IGSF9B: variants seen among roughly 807,000 people sequenced by gnomAD.
IGSF9B encodes the protein protein turtle homolog B.
IGSF9B carries 48 observed loss-of-function variants against 143.7 expected under a neutral mutation model. The observed-to-expected ratio is 0.33, with a 90% CI of 0.26 to 0.42. The LOEUF (loss-of-function observed/expected upper bound fraction) is 0.42, where lower values mean the gene tolerates loss of function less well. Ranked by LOEUF, IGSF9B falls within the 20% of genes least tolerant of loss-of-function variation. IGSF9B has a pLI of 1.00. For missense variants in IGSF9B, 1,706 were observed against 1,980.0 expected (o/e 0.86, Z 2.63); for synonymous variants, 903 against 833.1 (o/e 1.08, Z -1.44).
At chr11:133,930,912 A>C (rs1939713717) in intron 11 of IGSF9B, 72 bp downstream of exon 11, 1 of 1,445,868 alleles carries the variant, frequency 6.9e-7, no homozygotes, top group East Asian at 2.5e-5. Flanking sequence ...GGACGCTCCC[A>C]GCGTCCAGCA....
In IGSF9B at chr11:133,925,806, C is replaced by A; in HGVS notation, c.1967G>T (p.Arg656Leu). ...GATGCCATCGTCGAGCAACTCCCAGCGCTCTGCGACACGGAACTCCATGAT... is the reference window on the plus strand; with the variant it reads ...GATGCCATCGTCGAGCAACTCCCAGAGCTCTGCGACACGGAACTCCATGAT... ...RYIMEFRVAE[R>L]WELLDDGIPG... Residue 656 changes from arginine (R) to leucine (L), a missense_variant, in exon 14 of 20, where the codon CGC becomes CTC. By Grantham distance (102) the Arg-to-Leu change is moderately radical. Around this residue, in one of 7 missense-constraint regions of IGSF9B, gnomAD observed 267 missense variants for 321.1 expected, o/e 0.83. Transcript: ENST00000533871. 6.2e-7 allele frequency: 1 copy of A among 1,613,894 alleles called. No individual in the cohort carries two copies. Among genetic ancestry groups the A allele is most frequent in the Non-Finnish European group, 8.5e-7 (1 of 1,179,892 alleles).
At chr11:133,937,725 G>T in intron 4 of IGSF9B, 85 bp downstream of exon 4, 1 of 1,452,014 alleles carries the variant, frequency 6.9e-7, no homozygotes, top group Non-Finnish European at 9.4e-7. Flanking sequence ...TGTGCCTGTA[G>T]CATCAGGGGT....
intron 18 of IGSF9B, among the ~76,000 whole-genome samples, chr11:133,914,452 G>T (rs985203143): frequency 6.6e-6 from 1 of 152,228 alleles, no homozygotes; most frequent in African/African-American, 2.4e-5. Context: ...GACATTCTGT[G>T]CTTTGGTGGA....
intron 7 of IGSF9B, 53 bp downstream of exon 7, chr11:133,935,564 A>C: frequency 1.9e-6 from 3 of 1,566,536 alleles, no homozygotes; most frequent in Non-Finnish European, 2.6e-6. Context: ...TCTGGCTAAC[A>C]CCAAAACCTT....
intron 18 of IGSF9B, among the ~76,000 whole-genome samples, chr11:133,917,869 G>C (rs994747252): frequency 6.6e-6 from 1 of 152,050 alleles, no homozygotes; most frequent in African/African-American, 2.4e-5. Flanking sequence ...GGGCCCCAGA[G>C]AGGTCCCCAA....
rs767269905 is a variant in IGSF9B at position 133,937,957 on chromosome 11, A to T, written c.414T>A (p.Pro138=). The part of the protein sequence containing the change: ...GSWVHLTINA[P]PTFTETPPQY... ...GGGGGGGTGTTTCTGTAAAGGTGGG[A>T]GGGGCTGCAAAGGAGACCACAAAGA... Residue 138 remains proline, a synonymous_variant, in exon 4 of 20, where the codon CCT becomes CCA. Transcript: ENST00000533871. The T allele has an allele frequency of 1.2e-6, 2 of 1,613,104 alleles. No individual in the cohort carries two copies.
At position 133,934,118 on chromosome 11, in the gene IGSF9B, A is replaced by T. The variant is rs532700656; in HGVS notation, c.967+1499T>A. Among the ~76,000 whole-genome samples, 21 of 152,290 alleles carry T rather than the reference A, an allele frequency of 1.4e-4. No homozygotes were observed. The South Asian group carries it at 4.3e-3, about 32-fold the overall frequency. On this transcript the variant is annotated intron_variant, in intron 7 of 19. Transcript: ENST00000533871. ...AACCCCCTGGATTTTCTTTGAAGAC[A>T]GGAAGGAGGTAAAAAAGGACAAGGG...
At position 133,904,276 on chromosome 11, in the gene IGSF9B, T is replaced by C. The variant is rs901336660; in HGVS notation, c.*4793A>G. Among the ~76,000 whole-genome samples, 5 of 152,102 alleles carry C rather than the reference T, an allele frequency of 3.3e-5. No individual in the cohort carries two copies. The highest frequency in any genetic ancestry group is 1.3e-4 in the Admixed American group (2 of 15,278). On this transcript the variant is annotated 3_prime_UTR_variant, in exon 20 of 20. Coordinates refer to ENST00000533871, the MANE Select transcript of IGSF9B (RefSeq NM_001277285.4). ...AACCCACCGCTGCAGCTTAGGAAAA[T>C]GAGAATGGCACTTCCTTCTCCACTG...
chr11:133,940,433 C>A (rs541910747), intron 3 of IGSF9B, among the ~76,000 whole-genome samples: 5 of 143,568 alleles, frequency 3.5e-5, no homozygotes, highest in Non-Finnish European at 7.5e-5. Flanking sequence ...TCGCACGCGT[C>A]ATCACATGCA....
chr11:133,900,021 G>GGGACCCA lies in IGSF9B; in HGVS notation c.*9047_*9048insTGGGTCC, dbSNP rs1324061783. Reference sequence around the variant, plus strand: ...GGGGAGTGTTCTCAGCAGTTAATTTGAGGACCCAAGGACAGTGCCTGACTG... The same window carrying GGGACCCA: ...GGGGAGTGTTCTCAGCAGTTAATTTGGGACCCAAGGACCCAAGGACAGTGCCTGACTG... On this transcript the variant is annotated 3_prime_UTR_variant, in exon 20 of 20. Coordinates refer to ENST00000533871, the MANE Select transcript of IGSF9B (RefSeq NM_001277285.4). The GGGACCCA allele has an allele frequency of 2.5e-4, 38 of 152,374 alleles. No homozygotes were observed. The highest frequency in any genetic ancestry group is 8.7e-4 in the African/African-American group (36 of 41,532). 9.4% of individuals were successfully genotyped at this position (152,374 alleles called of 1,614,324 possible). A position where few individuals can be genotyped will look rare whatever the true frequency, so the allele number is the denominator to read the frequency against.
Position 133,931,211 on chromosome 11 carries a change from G to A in IGSF9B, c.1369-77C>T. The A allele has an allele frequency of 6.8e-7, 1 of 1,466,426 alleles. No individual in the cohort carries two copies. Among genetic ancestry groups the A allele is most frequent in the Non-Finnish European group, 9.3e-7 (1 of 1,072,894 alleles). 90.8% of individuals were successfully genotyped at this position (1,466,426 alleles called of 1,614,324 possible). A position where few individuals can be genotyped will look rare whatever the true frequency, so the allele number is the denominator to read the frequency against. On this transcript the variant is annotated intron_variant, in intron 10 of 19. Coordinates refer to ENST00000533871, the MANE Select transcript of IGSF9B (RefSeq NM_001277285.4). This position sits in a 1 kb window ranked among gnomAD's most constrained non-coding sequence, Gnocchi z 7.7. ...AGAGAAGCCCGAAGCAGATGGGGAG[G>A]ACGCGCCTGAGACCCCGGCCCGCCC...
intron 18 of IGSF9B, among the ~76,000 whole-genome samples, chr11:133,918,219 T>TGCCCGCCCCC (rs1338614717): frequency 7.2e-6 from 1 of 139,362 alleles, no homozygotes; most frequent in African/African-American, 2.6e-5. Flanking sequence ...CCCGTCCGCC[T>TGCCCGCCCCC]GCCCGCCCCC....
rs1430475004 is a variant in IGSF9B at position 133,902,086 on chromosome 11, C to A, written c.*6983G>T. On this transcript the variant is annotated 3_prime_UTR_variant, in exon 20 of 20. Transcript: ENST00000533871. ...ACCACACACAATAACACACCACATA[C>A]AATACACAAAACACATAGCACACAC... 6.8e-6 allele frequency among the ~76,000 whole-genome samples: 1 copy of A among 146,972 alleles called. No homozygotes were observed. The highest frequency in any genetic ancestry group is 1.5e-5 in the Non-Finnish European group (1 of 66,642).
chr11:133,906,980 T>C lies in IGSF9B; in HGVS notation c.*2089A>G, dbSNP rs1939219396. ...ACGCGGGGGCAGAGGGTGTGCTACC[T>C]GGAAAAAAGAACACAAAGAGTTGTG... On this transcript the variant is annotated 3_prime_UTR_variant, in exon 20 of 20. Coordinates refer to ENST00000533871, the MANE Select transcript of IGSF9B (RefSeq NM_001277285.4). 6.6e-6 allele frequency among the ~76,000 whole-genome samples: 1 copy of C among 152,038 alleles called. No individual in the cohort carries two copies. The highest frequency in any genetic ancestry group is 1.5e-5 in the Non-Finnish European group (1 of 68,000).
chr11:133,920,865 G>GGGCCT lies in IGSF9B; in HGVS notation c.2855_2859dup (p.Pro956GlyfsTer39). The GGGCCT allele has an allele frequency of 1.9e-6, 3 of 1,602,024 alleles. No homozygotes were observed. Among genetic ancestry groups the GGGCCT allele is most frequent in the Non-Finnish European group, 1.7e-6 (2 of 1,173,740 alleles). ...TGGAAGGGCCGGGGGGCAGGGGGCC[G>GGGCCT]GGCCTGGCCTGTGGCCTGAAGCCGA... On this transcript the variant is annotated frameshift_variant, in exon 18 of 20. Transcript: ENST00000533871. LOFTEE classifies it high-confidence loss of function.
At chr11:133,921,863 G>A (rs1939545844) in intron 17 of IGSF9B, among the ~76,000 whole-genome samples, 1 of 152,144 alleles carries the variant, frequency 6.6e-6, no homozygotes, top group Admixed American at 6.5e-5. Flanking sequence ...TATTAAGGAG[G>A]CAAATCTGCT....
chr11:133,910,679 G>A (rs998829716), intron 19 of IGSF9B, among the ~76,000 whole-genome samples: 15 of 152,172 alleles, frequency 9.9e-5, no homozygotes, highest in Non-Finnish European at 2.1e-4. Flanking sequence ...CATGACCTCA[G>A]GGAAGGGACC....
rs1469746064 is a variant in IGSF9B, at chr11:133,922,789, C to T, written c.2120-59G>A. On this transcript the variant is annotated intron_variant, in intron 15 of 19. Transcript: ENST00000533871. ...TCCTTCCCCGGGACCTCACCTGCTC[C>T]GACCTTCAGTCCCCAAGTGTTTCAC... The T allele has an allele frequency of 1.6e-5, 23 of 1,452,452 alleles. No individual in the cohort carries two copies. The Admixed American group carries it at 2.1e-4, about 13-fold the overall frequency. The allele number at this position is 1,452,452 out of a possible 1,614,324, so 90.0% of individuals were successfully genotyped here. A position where few individuals can be genotyped will look rare whatever the true frequency, so the allele number is the denominator to read the frequency against.
chr11:133,956,038 G>A (rs1940246658), intron 1 of IGSF9B, among the ~76,000 whole-genome samples: 1 of 151,774 alleles, frequency 6.6e-6, no homozygotes, highest in Non-Finnish European at 1.5e-5. Flanking sequence ...CGCGGGGGCC[G>A]GCGGGGTCCA....
Sources: gnomAD v4.1 joint callset for allele counts (sites outside exome capture counted in the v4.1 genomes callset) on GRCh38, gnomAD v4.1.1 for gene constraint, gnomAD v4.1.1 regional missense constraint, Gnocchi (gnomAD v3.1) non-coding constraint, MANE v1.5 for transcripts, NCBI Gene and HGNC (gene_info 2026-07-23, HGNC 2026-07-21) for gene names.